Variants in ARMC2 observed in about 807,000 individuals in gnomAD.
ARMC2 encodes armadillo repeat containing 2.
ARMC2 carries 67 observed loss-of-function variants against 90.3 expected under a neutral mutation model. That is an observed-to-expected ratio of 0.74 (90% CI 0.61 to 0.91). The LOEUF is 0.91. Among genes scored for constraint, ARMC2 ranks in the 40% least tolerant of loss-of-function variants. The probability of loss-of-function intolerance (pLI) is 0.00; values close to 1 mark genes in which losing one functional copy is unlikely to be tolerated. For synonymous variants in ARMC2, 393 were observed against 393.0 expected (o/e 1.00, Z 0.00); for missense variants, 920 against 1,030.9 (o/e 0.89, Z 1.47).
At chr6:109,011,840 G>A in the ARMC2 span, among the ~76,000 whole-genome samples, 4 of 151,796 alleles carry the variant, frequency 2.6e-5, no homozygotes, top group Non-Finnish European at 5.9e-5. Flanking sequence ...TGTTGTCTAG[G>A]CTGGTCTCAA....
At chr6:108,965,955 G>C (rs1583229673) in intron 17 of ARMC2, among the ~76,000 whole-genome samples, 1 of 151,066 alleles carries the variant, frequency 6.6e-6, no homozygotes, top group African/African-American at 2.4e-5. Context: ...GCCTGGCCAG[G>C]ATCATTTTTT....
Position 108,962,100 on chromosome 6 carries a change from G to A in ARMC2, c.2125G>A (p.Val709Ile), listed in dbSNP as rs1450620487. 3.1e-6 allele frequency: 5 copies of A among 1,611,416 alleles called. No homozygotes were observed. Among genetic ancestry groups the A allele is most frequent in the Admixed American group, 3.3e-5 (2 of 59,868 alleles). Reference sequence around the variant, plus strand: ...CGGAAATCTCTCCCAGGACCATGATGTCTGCGATTTCATTGTGCAGAACAA... The same window carrying A: ...CGGAAATCTCTCCCAGGACCATGATATCTGCGATTTCATTGTGCAGAACAA... ...VFGNLSQDHD[V>I]CDFIVQNNVH... Residue 709 changes from valine to isoleucine, a missense_variant, in exon 15 of 18, where the codon GTC becomes ATC. Physicochemically the swap from Val to Ile is conservative, Grantham distance 29. Coordinates refer to ENST00000392644, the MANE Select transcript of ARMC2 (RefSeq NM_032131.6).
chr6:108,961,474 C>T (rs1777993664), intron 13 of ARMC2, 98 bp from the exon 14 acceptor site: 5 of 1,354,428 alleles, frequency 3.7e-6, no homozygotes, highest in Admixed American at 2.6e-5. Flanking sequence ...CCTGCGTGAT[C>T]GCAGCCGGCT....
chr6:108,955,907 C>CT (rs914102498), intron 13 of ARMC2, among the ~76,000 whole-genome samples: 1 of 152,216 alleles, frequency 6.6e-6, no homozygotes, highest in African/African-American at 2.4e-5. Flanking sequence ...AGCTGTGGGA[C>CT]TCTTTAAAAT....
At chr6:108,877,613 G>A (rs1777065989) in intron 5 of ARMC2, among the ~76,000 whole-genome samples, 1 of 152,152 alleles carries the variant, frequency 6.6e-6, no homozygotes, top group Non-Finnish European at 1.5e-5. Context: ...AACATAAAAG[G>A]CAGCAGGAAA....
chr6:108,943,644 C>A (rs536331793), intron 12 of ARMC2, among the ~76,000 whole-genome samples: 12 of 152,038 alleles, frequency 7.9e-5, no homozygotes, highest in Admixed American at 3.3e-4. Context: ...CATGGTAAAA[C>A]TCTGTCTCTA....
intron 3 of ARMC2, among the ~76,000 whole-genome samples, chr6:108,863,637 G>A (rs568190928): frequency 2.0e-5 from 3 of 152,310 alleles, no homozygotes; most frequent in African/African-American, 7.2e-5. Context: ...TACACAGGAA[G>A]TGTTGTCTTT....
intron 12 of ARMC2, among the ~76,000 whole-genome samples, chr6:108,941,974 G>A (rs1776475028): frequency 6.6e-6 from 1 of 152,190 alleles, no homozygotes. Context: ...CAGGGAAAGA[G>A]TTTAGGCTAC....
chr6:108,874,259 G>T (rs1034990053), intron 4 of ARMC2, among the ~76,000 whole-genome samples: 1 of 152,202 alleles, frequency 6.6e-6, no homozygotes, highest in Non-Finnish European at 1.5e-5. Context: ...GACAGGTATA[G>T]CTCCTTGACC....
In ARMC2 at chr6:108,973,848, A is replaced by G; in HGVS notation, c.*334A>G. 1 of 202,746 alleles carries G rather than the reference A, an allele frequency of 4.9e-6. No homozygotes were observed. Among genetic ancestry groups the G allele is most frequent in the Non-Finnish European group, 1.0e-5 (1 of 98,640 alleles). 12.6% of individuals were successfully genotyped at this position (202,746 alleles called of 1,614,324 possible). A position where few individuals can be genotyped will look rare whatever the true frequency, so the allele number is the denominator to read the frequency against. ...TAACAATTTTGGAATTGAAGTGTTC[A>G]TAAGTTAAATGAACTGTGCAATGAA... On this transcript the variant is annotated 3_prime_UTR_variant, in exon 18 of 18. Transcript: ENST00000392644.
At chr6:108,925,902 G>A (rs1775064608) in intron 10 of ARMC2, among the ~76,000 whole-genome samples, 1 of 152,196 alleles carries the variant, frequency 6.6e-6, no homozygotes, top group African/African-American at 2.4e-5. Flanking sequence ...ACATATAAAT[G>A]TGGGCTTTCT....
At chr6:109,003,738 A>C in the ARMC2 span, among the ~76,000 whole-genome samples, 2 of 152,186 alleles carry the variant, frequency 1.3e-5, no homozygotes, top group Non-Finnish European at 2.9e-5. Context: ...TGAATGCCAG[A>C]GGACATCCCT....
intron 4 of ARMC2, 49 bp downstream of exon 4, chr6:108,869,044 G>T: frequency 1.3e-6 from 2 of 1,505,750 alleles, no homozygotes; most frequent in East Asian, 2.4e-5. Context: ...CATGCTTCTT[G>T]AATTTGCACA....
At chr6:109,009,057 G>C in the ARMC2 span, 1 of 943,790 alleles carries the variant, frequency 1.1e-6, no homozygotes, top group Non-Finnish European at 1.3e-6. Context: ...TGTTATTTAC[G>C]TATTGGAGAC....
intron 11 of ARMC2, among the ~76,000 whole-genome samples, chr6:108,934,015 C>T (rs1034237206): frequency 6.6e-6 from 1 of 152,170 alleles, no homozygotes; most frequent in Non-Finnish European, 1.5e-5. Context: ...GCATGTGCCA[C>T]CACACCCAGC....
intron 6 of ARMC2, among the ~76,000 whole-genome samples, chr6:108,896,576 G>A (rs906309041): frequency 1.3e-5 from 2 of 152,186 alleles, no homozygotes; most frequent in African/African-American, 4.8e-5. Context: ...CTGGGAGAGG[G>A]TTGGAAGGAA....
the ARMC2 span, among the ~76,000 whole-genome samples, chr6:109,017,574 C>T: frequency 5.9e-5 from 9 of 152,074 alleles, no homozygotes; most frequent in South Asian, 2.1e-4. Flanking sequence ...TGTGAGCCAC[C>T]GCGCCCGGCC....
chr6:108,953,965 C>A (rs1218937277), intron 13 of ARMC2, among the ~76,000 whole-genome samples: 1 of 152,126 alleles, frequency 6.6e-6, no homozygotes, highest in African/African-American at 2.4e-5. Context: ...CTGTTCAGCT[C>A]CTGGTGAGGG....
chr6:108,891,301 G>T (rs558948866), intron 5 of ARMC2, among the ~76,000 whole-genome samples: 1 of 152,276 alleles, frequency 6.6e-6, no homozygotes, highest in Admixed American at 6.5e-5. Context: ...GGTATTTCTG[G>T]TTCTAGATCC....
Sources: gnomAD v4.1 joint callset for allele counts (sites outside exome capture counted in the v4.1 genomes callset) on GRCh38, gnomAD v4.1.1 for gene constraint, MANE v1.5 for transcripts, NCBI Gene and HGNC (gene_info 2026-07-23, HGNC 2026-07-21) for gene names.